The following PCDH15 variants were observed in gnomAD, a reference collection of about 807,000 sequenced individuals.
The protein encoded by PCDH15 is protocadherin-15.
PCDH15 carries 129 observed loss-of-function variants against 178.5 expected under a neutral mutation model. That is an observed-to-expected ratio of 0.72 (90% confidence interval 0.63 to 0.84). PCDH15 has a LOEUF of 0.84. Among genes scored for constraint, PCDH15 ranks in the 40% least tolerant of loss-of-function variants. PCDH15 has a pLI of 0.00. For synonymous variants in PCDH15, 800 were observed against 732.0 expected, an observed-to-expected ratio of 1.09 and a Z score of -1.50; for missense variants, 2,230 against 2,099.9, an observed-to-expected ratio of 1.06 and a Z score of -1.21.
chr10:54,751,753 G>C (rs979204466), intron 1 of PCDH15, among the ~76,000 whole-genome samples: 5 of 152,028 alleles, frequency 3.3e-5, no homozygotes, highest in African/African-American at 7.2e-5. Flanking sequence ...AAGGATGAAA[G>C]ATACTAATTC....
rs148738166 is a variant in PCDH15 at position 55,207,737 on chromosome 10, G to A, written c.-155-41086C>T. On this transcript the variant is annotated intron_variant, in intron 1 of 5. Coordinates refer to the PCDH15 transcript ENST00000458638. The stretch of plus-strand genomic sequence containing the variant: ...TAGTCCCAGCACTTGGGAGGCTGAG[G>A]CGGGCATATCACCTGAGGTCAGGAG... Among the ~76,000 whole-genome samples, 427 of 152,250 alleles carry A rather than the reference G, an allele frequency of 2.8e-3. 3 individuals are homozygous for A. The highest frequency in any genetic ancestry group is 9.8e-3 in the African/African-American group (407 of 41,502).
chr10:53,827,241 G>T (rs1489631880), intron 32 of PCDH15, 152 bp downstream of exon 32: 5 of 1,171,362 alleles, frequency 4.3e-6, no homozygotes, highest in East Asian at 2.7e-5. Context: ...ACCTTTCTTA[G>T]ATTTTCGTCT....
chr10:54,627,347 G>A (rs910300938), intron 2 of PCDH15, among the ~76,000 whole-genome samples: 5 of 152,236 alleles, frequency 3.3e-5, no homozygotes, highest in African/African-American at 1.2e-4. Flanking sequence ...TAGTTCCCAC[G>A]TGTTTTGGGA....
chr10:54,404,480 A>C (rs1245595315), intron 3 of PCDH15, among the ~76,000 whole-genome samples: 1 of 152,108 alleles, frequency 6.6e-6, no homozygotes, highest in Non-Finnish European at 1.5e-5. Context: ...CAGAAGATTA[A>C]AACTAGACCC....
intron 2 of PCDH15, among the ~76,000 whole-genome samples, chr10:55,051,181 T>C (rs1013983763): frequency 2.0e-5 from 3 of 152,118 alleles, no homozygotes; most frequent in African/African-American, 7.2e-5. Flanking sequence ...GCAATTATTA[T>C]AATGATATAT....
At chr10:54,544,264 T>A (rs1159982896) in intron 2 of PCDH15, among the ~76,000 whole-genome samples, 3 of 151,468 alleles carry the variant, frequency 2.0e-5, no homozygotes, top group Non-Finnish European at 4.4e-5. Flanking sequence ...ATAACAGTTT[T>A]TATATTGGCC....
chr10:54,617,590 G>A (rs931534795), intron 2 of PCDH15, among the ~76,000 whole-genome samples: 2 of 151,628 alleles, frequency 1.3e-5, no homozygotes, highest in Non-Finnish European at 2.9e-5. Flanking sequence ...GAATAGCATA[G>A]TATATACTAT....
At chr10:53,932,600 A>T (rs1164205968) in intron 25 of PCDH15, among the ~76,000 whole-genome samples, 2 of 152,200 alleles carry the variant, frequency 1.3e-5, no homozygotes, top group Non-Finnish European at 2.9e-5. Context: ...ATACTGTTGA[A>T]GTGAATTCAA....
intron 15 of PCDH15, among the ~76,000 whole-genome samples, chr10:54,120,209 G>T (rs1166947478): frequency 6.6e-6 from 1 of 152,084 alleles, no homozygotes; most frequent in African/African-American, 2.4e-5. Context: ...TTCCTGACAA[G>T]CACGTACTAA....
intron 37 of PCDH15, chr10:53,808,647 C>A (rs774110884): frequency 6.3e-7 from 1 of 1,581,936 alleles, no homozygotes; most frequent in Non-Finnish European, 8.6e-7. Context: ...GCACTGCACA[C>A]GAGAGCACTC....
At chr10:54,645,187 T>G (rs1412446012) in intron 2 of PCDH15, among the ~76,000 whole-genome samples, 1 of 152,170 alleles carries the variant, frequency 6.6e-6, no homozygotes, top group African/African-American at 2.4e-5. Context: ...TAGGTTGGCA[T>G]GTCTGTGTAT....
chr10:54,303,865 C>A (rs1282487922), intron 8 of PCDH15, among the ~76,000 whole-genome samples: 1 of 152,106 alleles, frequency 6.6e-6, no homozygotes, highest in Non-Finnish European at 1.5e-5. Context: ...ATACTCAAAT[C>A]ATATTAAAGA....
chr10:54,333,241 T>C, intron 6 of PCDH15, among the ~76,000 whole-genome samples: 1 of 152,144 alleles, frequency 6.6e-6, no homozygotes, highest in East Asian at 1.9e-4. Flanking sequence ...CCACCATCCC[T>C]GGCCTAGATT....
At chr10:55,038,960 T>C (rs1452040916) in intron 2 of PCDH15, among the ~76,000 whole-genome samples, 1 of 152,192 alleles carries the variant, frequency 6.6e-6, no homozygotes, top group African/African-American at 2.4e-5. Flanking sequence ...TATATAGTCG[T>C]CTTTATTGTT....
chr10:55,355,498 G>A (rs967133163), intron 2 of PCDH15, among the ~76,000 whole-genome samples: 13 of 151,850 alleles, frequency 8.6e-5, no homozygotes, highest in African/African-American at 2.7e-4. Context: ...TTATGTTGTC[G>A]CACATATTTT....
chr10:55,115,598 A>G (rs1253684253), intron 2 of PCDH15, among the ~76,000 whole-genome samples: 1 of 152,110 alleles, frequency 6.6e-6, no homozygotes, highest in Non-Finnish European at 1.5e-5. Flanking sequence ...CTCCTTGGAG[A>G]ACTAGTTAAA....
rs747777278 is a variant in PCDH15, at chr10:53,823,028, T to C, written c.4368-2798A>G. 15 of 1,613,892 alleles carry C rather than the reference T, an allele frequency of 9.3e-6. No homozygotes were observed. Among genetic ancestry groups the C allele is most frequent in the Non-Finnish European group, 1.3e-5 (15 of 1,179,962 alleles). On this transcript the variant is annotated intron_variant, in intron 32 of 37. Coordinates refer to ENST00000644397, the MANE Select transcript of PCDH15 (RefSeq NM_001384140.1). The stretch of plus-strand genomic sequence containing the variant: ...TCCACAGCCTCTGAATCTTTTCTCT[T>C]GGGCCCCTCAGAGACTTACTCTTGG...
At chr10:54,846,569 A>G (rs1953521251) in intron 3 of PCDH15, among the ~76,000 whole-genome samples, 1 of 152,074 alleles carries the variant, frequency 6.6e-6, no homozygotes, top group Non-Finnish European at 1.5e-5. Context: ...CAAACTCAAC[A>G]TCCTTTTTAA....
At chr10:54,514,667 C>CAA (rs5785078) in intron 3 of PCDH15, among the ~76,000 whole-genome samples, 5 of 124,404 alleles carry the variant, frequency 4.0e-5, no homozygotes, top group Non-Finnish European at 7.1e-5. Context: ...AAATAGACTT[C>CAA]AAAAAAAAAA....
Sources: gnomAD v4.1 joint callset for allele counts (sites outside exome capture counted in the v4.1 genomes callset) on GRCh38, gnomAD v4.1.1 for gene constraint, MANE v1.5 for transcripts, NCBI Gene and HGNC (gene_info 2026-07-23, HGNC 2026-07-21) for gene names.